SCYL2: variants seen among roughly 807,000 people sequenced by gnomAD.
SCYL2 encodes SCY1 like pseudokinase 2.
Under a neutral mutation model 100.4 loss-of-function variants are expected in SCYL2, and 36 were observed. The observed-to-expected ratio is 0.36, with a 90% CI of 0.27 to 0.47. SCYL2 has a LOEUF of 0.47. Ranked by LOEUF, SCYL2 falls within the 20% of genes least tolerant of loss-of-function variation. The pLI, the probability that SCYL2 is intolerant of heterozygous loss-of-function variation, is 1.00. For missense variants in SCYL2, 902 were observed against 1,083.9 expected (o/e 0.83, Z 2.36); for synonymous variants, 330 against 359.2 (o/e 0.92, Z 0.92).
At chr12:100,272,398 T>C (rs951168703) in intron 1 of SCYL2, among the ~76,000 whole-genome samples, 8 of 152,218 alleles carry the variant, frequency 5.3e-5, no homozygotes, top group African/African-American at 1.7e-4. Flanking sequence ...TCAGGTCTTA[T>C]TTTACAGGCT....
intron 4 of SCYL2, among the ~76,000 whole-genome samples, chr12:100,308,982 G>A (rs1284531377): frequency 6.6e-6 from 1 of 152,114 alleles, no homozygotes; most frequent in East Asian, 1.9e-4. Context: ...GGGAGAGATG[G>A]TGTAGGCAAT....
intron 2 of SCYL2, among the ~76,000 whole-genome samples, chr12:100,287,460 A>G (rs1452361997): frequency 2.0e-5 from 3 of 152,224 alleles, no homozygotes; most frequent in African/African-American, 7.2e-5. Flanking sequence ...TGCCTGGCTC[A>G]CAAGTAGCTC....
At position 100,335,642 on chromosome 12, in the gene SCYL2, A is replaced by G. The variant is rs1029715168; in HGVS notation, c.1880A>G (p.Asn627Ser). ...QEQQKSLDIG[N>S]QMNVSEEMKV... ...TCCTACAGATCTTTGGATATAGGAA[A>G]TCAAATGAATGTTTCTGAGGAGATG... Residue 627 changes from asparagine (N) to serine (S), a missense_variant, in exon 15 of 18, where the codon AAT becomes AGT. Coordinates refer to ENST00000360820, the MANE Select transcript of SCYL2 (RefSeq NM_017988.6). 2 of 1,607,452 alleles carry G rather than the reference A, an allele frequency of 1.2e-6. No individual in the cohort carries two copies. The highest frequency in any genetic ancestry group is 2.7e-5 in the African/African-American group (2 of 74,884).
chr12:100,282,500 A>G (rs754684566), intron 1 of SCYL2, among the ~76,000 whole-genome samples: 1 of 151,268 alleles, frequency 6.6e-6, no homozygotes, highest in Non-Finnish European at 1.5e-5. Context: ...TAATTTTTGT[A>G]TTTTTGGTAG....
chr12:100,281,019 GTTTTTTT>G (rs202048587), intron 1 of SCYL2, among the ~76,000 whole-genome samples: 1 of 50,492 alleles, frequency 2.0e-5, no homozygotes, highest in South Asian at 7.1e-4. Flanking sequence ...TACCATCAGT[GTTTTTTT>G]TTTTTTTTTT....
intron 4 of SCYL2, among the ~76,000 whole-genome samples, chr12:100,301,231 G>A (rs1010212067): frequency 1.3e-5 from 2 of 152,122 alleles, no homozygotes; most frequent in Admixed American, 6.5e-5. Context: ...GTTTTCATTC[G>A]TGTTTCTCTG....
chr12:100,300,761 G>A (rs2096326606), intron 4 of SCYL2, among the ~76,000 whole-genome samples: 2 of 151,954 alleles, frequency 1.3e-5, no homozygotes, highest in African/African-American at 4.8e-5. Context: ...TTGTCTTTTT[G>A]TCCCTGAGTT....
intron 11 of SCYL2, among the ~76,000 whole-genome samples, chr12:100,325,019 T>A (rs2096360127): frequency 6.6e-6 from 1 of 152,086 alleles, no homozygotes; most frequent in South Asian, 2.1e-4. Context: ...TCTCGAGCAC[T>A]GAGTTCAAGA....
At chr12:100,287,597 TAGTA>T (rs1244141194) in intron 2 of SCYL2, among the ~76,000 whole-genome samples, 2 of 152,242 alleles carry the variant, frequency 1.3e-5, no homozygotes, top group South Asian at 2.1e-4. Context: ...AAATACTTTT[TAGTA>T]AGTGTCTTTC....
intron 10 of SCYL2, 50 bp downstream of exon 10, chr12:100,317,975 C>A: frequency 6.7e-7 from 1 of 1,497,192 alleles, no homozygotes; most frequent in Non-Finnish European, 8.9e-7. Flanking sequence ...ATTCTTAAAG[C>A]AGAAGAAGAG....
At chr12:100,294,242 G>T (rs1347597672) in intron 3 of SCYL2, among the ~76,000 whole-genome samples, 6 of 141,566 alleles carry the variant, frequency 4.2e-5, no homozygotes, top group Non-Finnish European at 6.2e-5. Flanking sequence ...TGGGGTGGCT[G>T]GCCAGGTGGG....
intron 3 of SCYL2, chr12:100,292,026 G>C (rs796112861): frequency 1.2e-5 from 2 of 164,726 alleles, no homozygotes; most frequent in Non-Finnish European, 2.6e-5. Flanking sequence ...GTATTTGGAG[G>C]CCAATTTTGT....
At chr12:100,296,540 G>A (rs1206926864) in intron 3 of SCYL2, among the ~76,000 whole-genome samples, 1 of 152,124 alleles carries the variant, frequency 6.6e-6, no homozygotes, top group Non-Finnish European at 1.5e-5. Flanking sequence ...TGTCATGGAA[G>A]CAAAAGGAAG....
chr12:100,329,558 C>T (rs1190085027), intron 13 of SCYL2, among the ~76,000 whole-genome samples: 1 of 152,014 alleles, frequency 6.6e-6, no homozygotes, highest in Admixed American at 6.6e-5. Context: ...AAATTTGGGG[C>T]TGGGAAATTG....
chr12:100,318,625 C>T (rs556161453), intron 10 of SCYL2, among the ~76,000 whole-genome samples: 13 of 152,278 alleles, frequency 8.5e-5, no homozygotes, highest in African/African-American at 1.7e-4. Context: ...AGCCATTGGG[C>T]GTGGCCACGT....
At chr12:100,308,011 G>A (rs867898296) in intron 4 of SCYL2, among the ~76,000 whole-genome samples, 5 of 152,184 alleles carry the variant, frequency 3.3e-5, no homozygotes, top group African/African-American at 1.2e-4. Context: ...AGGATGTGGA[G>A]AAATAGGAAT....
intron 16 of SCYL2, 125 bp from the exon 17 acceptor site, chr12:100,337,262 C>G: frequency 1.7e-6 from 2 of 1,190,296 alleles, no homozygotes; most frequent in Admixed American, 5.1e-5. Context: ...TGACAATCAC[C>G]AAGACAAGAG....
intron 2 of SCYL2, among the ~76,000 whole-genome samples, chr12:100,287,412 G>C (rs1486850247): frequency 6.6e-6 from 1 of 152,066 alleles, no homozygotes; most frequent in Non-Finnish European, 1.5e-5. Context: ...TCCCACCTCA[G>C]CCTCCCAAGT....
chr12:100,296,829 A>G (rs949596281), intron 3 of SCYL2: 1 of 152,192 alleles, frequency 6.6e-6, no homozygotes, highest in Non-Finnish European at 1.5e-5. Flanking sequence ...AGTACAGAAC[A>G]AGGCAGCTTC....
Sources: allele counts gnomAD v4.1 joint callset (sites outside exome capture counted in the v4.1 genomes callset), GRCh38; gene constraint gnomAD v4.1.1; transcripts MANE v1.5; gene names NCBI Gene and HGNC (gene_info 2026-07-23, HGNC 2026-07-21).